Variants in DLC1 observed in about 807,000 individuals in gnomAD.
DLC1 encodes the protein DLC1 Rho GTPase activating protein.
Under a neutral mutation model 140.3 loss-of-function variants are expected in DLC1, and 54 were observed. That is an observed-to-expected ratio of 0.38 (90% CI 0.31 to 0.48). DLC1 has a LOEUF of 0.48. Among genes scored for constraint, DLC1 ranks in the 20% least tolerant of loss-of-function variants. The pLI is 0.96. For missense variants in DLC1, 2,536 were observed against 1,907.0 expected, an observed-to-expected ratio of 1.33 and a Z score of -6.14; for synonymous variants, 986 against 728.1, an observed-to-expected ratio of 1.35 and a Z score of -5.70.
intron 5 of DLC1, chr8:13,276,555 C>A (rs1208577036): frequency 7.8e-7 from 1 of 1,276,414 alleles, no homozygotes; most frequent in Non-Finnish European, 9.8e-7. Context: ...CTGCAGGCGG[C>A]CTCCTGGCCC....
Position 13,300,539 on chromosome 8 carries a change from G to A in DLC1, c.1348+4730C>T, listed in dbSNP as rs531888017. On this transcript the variant is annotated intron_variant, in intron 5 of 17. Transcript: ENST00000276297. ...CCTGCTAGAGCTTCTCGTCCTCTTC[G>A]TGGCTGAATGAGGAAGACAGAAAGG... Among the ~76,000 whole-genome samples, 97 of 152,154 alleles carry A rather than the reference G, an allele frequency of 6.4e-4. 4 individuals are homozygous for A. In the South Asian group the frequency reaches 0.019, roughly 30 times the overall value.
intron 2 of DLC1, among the ~76,000 whole-genome samples, chr8:13,481,878 TCA>T (rs148328134): frequency 6.6e-6 from 1 of 151,916 alleles, no homozygotes; most frequent in African/African-American, 2.4e-5. Flanking sequence ...ATGGACATAG[TCA>T]CACACACACA....
chr8:13,094,646 A>G, intron 12 of DLC1, 113 bp downstream of exon 12: 1 of 1,296,514 alleles, frequency 7.7e-7, no homozygotes, highest in Non-Finnish European at 1.1e-6. Context: ...AGCCTGGATG[A>G]CAGAGCGAGA....
chr8:13,148,755 G>A (rs542677046), intron 5 of DLC1, among the ~76,000 whole-genome samples: 15 of 152,076 alleles, frequency 9.9e-5, no homozygotes, highest in African/African-American at 1.7e-4. Context: ...TTACTTGACA[G>A]CAAACACCTA....
intron 2 of DLC1, among the ~76,000 whole-genome samples, chr8:13,422,763 A>G (rs1404726676): frequency 1.3e-5 from 2 of 152,008 alleles, no homozygotes; most frequent in South Asian, 2.1e-4. Context: ...AGGAGTTGAT[A>G]CTACATCTGG....
upstream of DLC1, among the ~76,000 whole-genome samples, chr8:13,517,064 G>T (rs755708642): frequency 6.6e-6 from 1 of 152,152 alleles, no homozygotes; most frequent in Non-Finnish European, 1.5e-5. Context: ...AGATTGGAAA[G>T]CAGGATGAAA....
rs1225095501 is a variant in DLC1 at position 13,548,994 on chromosome 8, A to C, written c.-125-48798T>G. ...TGTACTTTGTCCCCTCAATTTATAA[A>C]ATATAAGACATTTATCTTATTTTTA... On this transcript the variant is annotated intron_variant, in intron 1 of 1. Coordinates refer to the DLC1 transcript ENST00000631382. Among the ~76,000 whole-genome samples, 4 of 152,084 alleles carry C rather than the reference A, an allele frequency of 2.6e-5. No individual in the cohort carries two copies. In the East Asian group the frequency reaches 7.7e-4, roughly 29 times the overall value.
chr8:13,267,446 C>T (rs1830732097), intron 5 of DLC1, among the ~76,000 whole-genome samples: 1 of 152,038 alleles, frequency 6.6e-6, no homozygotes, highest in Non-Finnish European at 1.5e-5. Context: ...GGACCTACAA[C>T]ATCCTGCTAT....
At chr8:13,508,545 G>A (rs1032920834) in intron 1 of DLC1, among the ~76,000 whole-genome samples, 1 of 151,728 alleles carries the variant, frequency 6.6e-6, no homozygotes, top group Non-Finnish European at 1.5e-5. Context: ...AGCCTCCTCA[G>A]TAACTGGGAC....
chr8:13,326,312 T>A (rs1833345036), intron 4 of DLC1, among the ~76,000 whole-genome samples: 1 of 152,224 alleles, frequency 6.6e-6, no homozygotes, highest in South Asian at 2.1e-4. Context: ...ATGGAAGGGT[T>A]GCATTTATAG....
rs554068523 is a variant in DLC1, at chr8:13,544,701, G to A, written c.-125-44505C>T. On this transcript the variant is annotated intron_variant, in intron 1 of 1. Transcript: ENST00000631382. ...TAGTCATTAAGAATAAGTTAAGTCC[G>A]ATCGGTATATTCTGTTTAACAAGGC... 5.3e-5 allele frequency among the ~76,000 whole-genome samples: 8 copies of A among 152,198 alleles called. No homozygotes were observed. The South Asian group carries it at 1.7e-3, about 32-fold the overall frequency.
chr8:13,562,017 G>A (rs897726334), intron 1 of DLC1, among the ~76,000 whole-genome samples: 2 of 152,072 alleles, frequency 1.3e-5, no homozygotes, highest in African/African-American at 2.4e-5. Context: ...CAGGAGTTAC[G>A]GGTAGGTTGA....
chr8:13,500,227 G>T, intron 1 of DLC1, 31 bp from the exon 2 acceptor site: 1 of 614,610 alleles, frequency 1.6e-6, no homozygotes. Context: ...ATATGTAGTC[G>T]CAGATACGTT....
chr8:13,138,466 A>G (rs923664770), intron 5 of DLC1, among the ~76,000 whole-genome samples: 1 of 152,362 alleles, frequency 6.6e-6, no homozygotes, highest in East Asian at 1.9e-4. Flanking sequence ...GATATGAGCC[A>G]GGCAATCTCT....
At chr8:13,564,185 A>C (rs1804343599) in intron 1 of DLC1, among the ~76,000 whole-genome samples, 2 of 152,242 alleles carry the variant, frequency 1.3e-5, no homozygotes, top group South Asian at 4.1e-4. Context: ...AGATAATAAC[A>C]CCAAAGATGC....
At position 13,161,721 on chromosome 8, in the gene DLC1, A is replaced by C. The variant is rs140325291; in HGVS notation, c.1349-46064T>G. 3.9e-5 allele frequency among the ~76,000 whole-genome samples: 6 copies of C among 152,286 alleles called. No individual in the cohort carries two copies. In the East Asian group the frequency reaches 1.2e-3, roughly 29 times the overall value. Reference sequence around the variant, plus strand: ...TCTGTTCCTTATGGAAATGTCTCACATCCCTTGGAGAGAACGCTTCCTTGT... The same window carrying C: ...TCTGTTCCTTATGGAAATGTCTCACCTCCCTTGGAGAGAACGCTTCCTTGT... On this transcript the variant is annotated intron_variant, in intron 5 of 17. Transcript: ENST00000276297.
At chr8:13,293,114 C>T (rs1831825122) in intron 5 of DLC1, among the ~76,000 whole-genome samples, 1 of 152,122 alleles carries the variant, frequency 6.6e-6, no homozygotes, top group African/African-American at 2.4e-5. Flanking sequence ...CGTGTAGTCC[C>T]ACTTACTGGG....
rs187254414 is a variant in DLC1 at position 13,468,847 on chromosome 8, A to C, written c.1023+30202T>G. Among the ~76,000 whole-genome samples, 44 of 89,092 alleles carry C rather than the reference A, an allele frequency of 4.9e-4. 1 individual carries two copies. The highest frequency in any genetic ancestry group is 1.8e-3 in the Admixed American group (10 of 5,532). 58.4% of individuals were successfully genotyped at this position (89,092 alleles called of 152,430 possible). A position where few individuals can be genotyped will look rare whatever the true frequency, so the allele number is the denominator to read the frequency against. The stretch of plus-strand genomic sequence containing the variant: ...TTTTTTTTTTTTTTTTTTAAGATGG[A>C]GTCTCGCTCTGTTGCCAGGCTGGAG... On this transcript the variant is annotated intron_variant, in intron 2 of 17. Coordinates refer to ENST00000276297, the MANE Select transcript of DLC1 (RefSeq NM_182643.3).
In DLC1 at chr8:13,225,603, TTTTA is replaced by T. The variant is rs375631054; in HGVS notation, c.1348+79662_1348+79665del. 3.8e-3 allele frequency among the ~76,000 whole-genome samples: 572 copies of T among 151,686 alleles called. 4 individuals are homozygous for T. Among genetic ancestry groups the T allele is most frequent in the African/African-American group, 0.013 (532 of 41,220 alleles). On this transcript the variant is annotated intron_variant, in intron 5 of 17. Coordinates refer to ENST00000276297, the MANE Select transcript of DLC1 (RefSeq NM_182643.3). ...TACAAAAATTGATTAATCGATTTCT[TTTTA>T]TTTATTTAATTTTTTTTTTTTTTTT...
Sources: gnomAD v4.1 joint callset for allele counts (sites outside exome capture counted in the v4.1 genomes callset) on GRCh38, gnomAD v4.1.1 for gene constraint, MANE v1.5 for transcripts, NCBI Gene and HGNC (gene_info 2026-07-23, HGNC 2026-07-21) for gene names.